ADH4: variants seen among roughly 807,000 people sequenced by gnomAD.
ADH4 encodes the protein alcohol dehydrogenase 4 (class II), pi polypeptide.
Under a neutral mutation model 35.2 loss-of-function variants are expected in ADH4, and 31 were observed. The observed-to-expected ratio is 0.88, with a 90% confidence interval of 0.66 to 1.19. The LOEUF (loss-of-function observed/expected upper bound fraction) is 1.19. Ranked by LOEUF, ADH4 falls within the 50% of genes most tolerant of loss-of-function variation. The probability of loss-of-function intolerance (pLI) is 0.00; values close to 1 mark genes in which losing one functional copy is unlikely to be tolerated. For missense variants in ADH4, 476 were observed against 458.3 expected (o/e 1.04, Z -0.35); for synonymous variants, 171 against 160.2 (o/e 1.07, Z -0.51).
Position 99,142,701 on chromosome 4 carries a change from T to C in ADH4, c.98A>G (p.Lys33Arg), listed in dbSNP as rs1469837434. Reference protein sequence around the residue: ...CIEEVEVAPPKAHEVRIQIIA... With the variant: ...CIEEVEVAPPRAHEVRIQIIA... Reference sequence around the variant, plus strand: ...TACCTGAATGCGAACTTCATGAGCCTTGGGGGGAGCTACTTCAACCTCTTC... The same window carrying C: ...TACCTGAATGCGAACTTCATGAGCCCTGGGGGGAGCTACTTCAACCTCTTC... Residue 33 changes from lysine to arginine, a missense_variant, in exon 2 of 9, where the codon AAG becomes AGG. Lys to Arg is a conservative substitution (Grantham distance 26). Transcript: ENST00000265512. 2.5e-6 allele frequency: 4 copies of C among 1,598,954 alleles called. No homozygotes were observed. Among genetic ancestry groups the C allele is most frequent in the African/African-American group, 2.7e-5 (2 of 74,042 alleles).
chr4:99,132,427 T>C (rs1018460612), intron 5 of ADH4, among the ~76,000 whole-genome samples: 1 of 152,254 alleles, frequency 6.6e-6, no homozygotes, highest in Admixed American at 6.5e-5. Flanking sequence ...ACATTCTGTC[T>C]ATGAAACTTT....
At chr4:99,141,460 A>G in intron 3 of ADH4, 81 bp downstream of exon 3, 1 of 1,362,508 alleles carries the variant, frequency 7.3e-7, no homozygotes, top group South Asian at 1.6e-5. Flanking sequence ...GATCAATTAT[A>G]GCATGCCAAG....
At chr4:99,134,316 C>G (rs751189790) in intron 5 of ADH4, among the ~76,000 whole-genome samples, 21 of 151,810 alleles carry the variant, frequency 1.4e-4, no homozygotes, top group Non-Finnish European at 2.4e-4. Context: ...AATGTTCTCT[C>G]CACAAAAAGA....
chr4:99,125,871 T>C (rs1729070703), intron 8 of ADH4, among the ~76,000 whole-genome samples: 3 of 152,214 alleles, frequency 2.0e-5, no homozygotes, highest in Admixed American at 1.3e-4. Flanking sequence ...TTGTATCTTC[T>C]CTTTTCATTT....
chr4:99,139,143 T>C lies in ADH4; in HGVS notation c.268A>G (p.Lys90Glu). The C allele has an allele frequency of 6.2e-7, 1 of 1,612,210 alleles. No homozygotes were observed. The highest frequency in any genetic ancestry group is 8.5e-7 in the Non-Finnish European group (1 of 1,178,734). ...AGAGGTGCATAAAGTGGAATTACTT[T>C]GTCACCTAGAAAGAAAGGCCATATG... ...PGVTNVKPGD[K>E]VIPLYAPLCR... is the part of the protein sequence containing the mutation. The change falls in exon 4 of 9, where the codon AAA (lysine) becomes GAA (glutamate). Residue 90 changes from lysine (K) to glutamate (E), a missense_variant. By Grantham distance (56) the Lys-to-Glu change is moderately conservative. Transcript: ENST00000265512.
At position 99,126,718 on chromosome 4, in the gene ADH4, C is replaced by G; in HGVS notation, c.994G>C (p.Asp332His). Residue 332 changes from aspartate to histidine, a missense_variant, in exon 8 of 9, where the codon GAT (aspartate) becomes CAT (histidine). Coordinates refer to ENST00000265512, the MANE Select transcript of ADH4 (RefSeq NM_000670.5). Reference sequence around the variant, plus strand: ...TCAGTGACCAGCTTTGGGATAGAATCTACACTTTTCCAACCTGTAATGTGG... The same window carrying G: ...TCAGTGACCAGCTTTGGGATAGAATGTACACTTTTCCAACCTGTAATGTGG... ...GTFFGGWKSV[D>H]SIPKLVTDYK... 9 of 1,606,594 alleles carry G rather than the reference C, an allele frequency of 5.6e-6. No individual in the cohort carries two copies. The highest frequency in any genetic ancestry group is 7.7e-6 in the Non-Finnish European group (9 of 1,174,546).
At chr4:99,126,867 A>T in intron 7 of ADH4, 135 bp from the exon 8 acceptor site, 2 of 751,272 alleles carry the variant, frequency 2.7e-6, no homozygotes, top group East Asian at 5.8e-5. Context: ...TCCATCTTTA[A>T]TTTTCTGTAC....
Position 99,136,707 on chromosome 4 carries a change from T to A in ADH4, c.351-10A>T, listed in dbSNP as rs534756470. 90 of 1,511,896 alleles carry A rather than the reference T, an allele frequency of 6.0e-5. No homozygotes were observed. Among genetic ancestry groups the A allele is most frequent in the Admixed American group, 7.1e-5 (4 of 56,206 alleles). 93.7% of individuals were successfully genotyped at this position (1,511,896 alleles called of 1,614,324 possible). ...AGGACTTTTGAGATTACTAGAAAAT[T>A]AAAAAAAAGAGTGATACAAATAAAG... On this transcript the variant is annotated splice_polypyrimidine_tract_variant and intron_variant, in intron 4 of 8. Transcript: ENST00000265512.
rs1729729653 is a variant in ADH4, at chr4:99,144,192, C to G, written c.18+13G>C. The G allele has an allele frequency of 3.7e-6, 6 of 1,613,576 alleles. No homozygotes were observed. The highest frequency in any genetic ancestry group is 4.2e-6 in the Non-Finnish European group (5 of 1,179,516). ...AAGCACAAACTGAACAAAGATACAG[C>G]TTACTTGCTTACTTTGCCCTTGGTG... On this transcript the variant is annotated intron_variant, in intron 1 of 8. Transcript: ENST00000265512.
At chr4:99,138,021 A>T (rs1729500192) in intron 4 of ADH4, among the ~76,000 whole-genome samples, 1 of 152,172 alleles carries the variant, frequency 6.6e-6, no homozygotes, top group Non-Finnish European at 1.5e-5. Flanking sequence ...ACATTCCTGT[A>T]ATCTGGTTGA....
At chr4:99,133,134 G>C (rs527683495) in intron 5 of ADH4, among the ~76,000 whole-genome samples, 1 of 152,108 alleles carries the variant, frequency 6.6e-6, no homozygotes, top group Admixed American at 6.6e-5. Flanking sequence ...CTAGTAGTTG[G>C]ATTCTCAGGC....
In ADH4 at chr4:99,127,165, T is replaced by G. The variant is rs1388208528; in HGVS notation, c.979+44A>C. ...ACCTTCACTCTAAGAATTTCAGAAC[T>G]ACTAGGAAAAGAATTTAAAGCTATG... On this transcript the variant is annotated intron_variant, in intron 7 of 8. Transcript: ENST00000265512. 2.0e-6 allele frequency: 3 copies of G among 1,515,634 alleles called. No individual in the cohort carries two copies. In the African/African-American group the frequency reaches 4.2e-5, roughly 21 times the overall value. The allele number at this position is 1,515,634 out of a possible 1,614,324, so 93.9% of individuals were successfully genotyped here. A position where few individuals can be genotyped will look rare whatever the true frequency, so the allele number is the denominator to read the frequency against.
chr4:99,136,069 T>A (rs1729422811), intron 5 of ADH4, among the ~76,000 whole-genome samples: 7 of 152,112 alleles, frequency 4.6e-5, no homozygotes, highest in Non-Finnish European at 1.0e-4. Flanking sequence ...CAGGGGTGGT[T>A]GTGTGAAGAT....
At chr4:99,127,367 A>G (rs200627780) in intron 6 of ADH4, 23 bp from the exon 7 acceptor site, 1 of 1,558,170 alleles carries the variant, frequency 6.4e-7, no homozygotes, top group Non-Finnish European at 8.7e-7. Flanking sequence ...ATAAAAGAAT[A>G]CTTGAGTCAG....
At chr4:99,129,529 T>G (rs910607637) in intron 6 of ADH4, among the ~76,000 whole-genome samples, 1 of 152,234 alleles carries the variant, frequency 6.6e-6, no homozygotes. Flanking sequence ...TTAATACAAT[T>G]AAAAGAAACT....
chr4:99,140,252 G>T (rs1729568962), intron 3 of ADH4, among the ~76,000 whole-genome samples: 1 of 152,060 alleles, frequency 6.6e-6, no homozygotes, highest in African/African-American at 2.4e-5. Context: ...TTTTTATATA[G>T]AAGTTATTAT....
intron 6 of ADH4, among the ~76,000 whole-genome samples, chr4:99,130,083 TA>T (rs540804531): frequency 8.3e-4 from 127 of 152,294 alleles, no homozygotes; most frequent in African/African-American, 3.0e-3. Flanking sequence ...TTTAATTGCT[TA>T]AAAAAATAGT....
chr4:99,126,630 AT>A lies in ADH4; in HGVS notation c.1081del (p.Ile361SerfsTer7). Reference protein sequence around the residue: ...LVTHTLPFDKISEAFDLMNQG... With the variant: ...LVTHTLPFDKXSEAFDLMNQG... ...GTTCATTAGGTCAAATGCCTCACTGATTTTGTCAAAAGGCAGGGTATGGGTC... is the reference window on the plus strand; with the variant it reads ...GTTCATTAGGTCAAATGCCTCACTGATTTGTCAAAAGGCAGGGTATGGGTC... On this transcript the variant is annotated frameshift_variant, in exon 8 of 9. Transcript: ENST00000265512. LOFTEE classifies it high-confidence loss of function. 1 of 1,609,004 alleles carries A rather than the reference AT, an allele frequency of 6.2e-7. No homozygotes were observed.
In ADH4 at chr4:99,142,791, G is replaced by A; in HGVS notation, c.19-11C>T. On this transcript the variant is annotated splice_polypyrimidine_tract_variant and intron_variant, in intron 1 of 8. Coordinates refer to ENST00000265512, the MANE Select transcript of ADH4 (RefSeq NM_000670.5). ...TTTGCATTTAATAACCTGAAAGAGA[G>A]AAAGAAAAGGAAGAGGGAGATAGAG... 6.3e-7 allele frequency: 1 copy of A among 1,585,584 alleles called. No homozygotes were observed. The highest frequency in any genetic ancestry group is 2.2e-5 in the East Asian group (1 of 44,450).
Sources: gnomAD v4.1 joint callset for allele counts (sites outside exome capture counted in the v4.1 genomes callset) on GRCh38, gnomAD v4.1.1 for gene constraint, MANE v1.5 for transcripts, NCBI Gene and HGNC (gene_info 2026-07-23, HGNC 2026-07-21) for gene names.